Variants in EBF2 observed in about 807,000 individuals in gnomAD.
The protein encoded by EBF2 is EBF transcription factor 2.
In EBF2, 21 loss-of-function variants were observed where a neutral mutation model predicts 72.8. That is an observed-to-expected ratio of 0.29 (90% CI 0.20 to 0.42). The LOEUF (loss-of-function observed/expected upper bound fraction) is 0.42, where lower values mean the gene tolerates loss of function less well. EBF2 is among the 10% of genes least tolerant of loss of function. The pLI is 1.00. For synonymous variants in EBF2, 299 were observed against 274.2 expected (o/e 1.09, Z -0.89); for missense variants, 637 against 731.2 (o/e 0.87, Z 1.49).
At position 25,946,132 on chromosome 8, in the gene EBF2, G is replaced by A. The variant is rs546565262; in HGVS notation, c.552-37577C>T. Among the ~76,000 whole-genome samples the A allele has an allele frequency of 5.3e-5, 8 of 152,318 alleles. No individual in the cohort carries two copies. In the South Asian group the frequency reaches 8.3e-4, roughly 16 times the overall value. On this transcript the variant is annotated intron_variant, in intron 6 of 15. Coordinates refer to ENST00000520164, the MANE Select transcript of EBF2 (RefSeq NM_022659.4). ...AGTTCTTCAACTTCTAGAATCTCCC[G>A]TTAAAGCTCTAAACTCACTTAGAAC...
At chr8:26,007,458 A>G (rs1804900680) in intron 6 of EBF2, among the ~76,000 whole-genome samples, 1 of 151,988 alleles carries the variant, frequency 6.6e-6, no homozygotes, top group African/African-American at 2.4e-5. Context: ...CCTCTATTTC[A>G]TTTGAGTTTT....
In EBF2 at chr8:25,841,928, A is replaced by C. The variant is rs1334536280; in HGVS notation, c.*2681T>G. ...CAAAGCAAAACAATAAAATGAAACT[A>C]TACAGTGTGAAAATGAAACCTTACT... is the stretch of plus-strand genomic sequence containing the variant. On this transcript the variant is annotated 3_prime_UTR_variant, in exon 16 of 16. Transcript: ENST00000520164. 3 of 152,240 alleles carry C rather than the reference A, an allele frequency of 2.0e-5. No homozygotes were observed. Among genetic ancestry groups the C allele is most frequent in the Non-Finnish European group, 4.4e-5 (3 of 68,038 alleles). 9.4% of individuals were successfully genotyped at this position (152,240 alleles called of 1,614,324 possible).
chr8:26,026,538 G>A (rs1180303404), intron 6 of EBF2, among the ~76,000 whole-genome samples: 1 of 152,150 alleles, frequency 6.6e-6, no homozygotes, highest in Non-Finnish European at 1.5e-5. Context: ...CTAATCCGAG[G>A]CCCTTTTGCT....
intron 6 of EBF2, among the ~76,000 whole-genome samples, chr8:25,980,580 A>T (rs544283637): frequency 6.6e-6 from 1 of 152,184 alleles, no homozygotes; most frequent in Non-Finnish European, 1.5e-5. Flanking sequence ...CAGTGGCACC[A>T]TAGACCTTGC....
chr8:25,916,052 G>A (rs73225929), intron 6 of EBF2, among the ~76,000 whole-genome samples: 7,937 of 152,006 alleles, frequency 0.052, 281 homozygotes, highest in South Asian at 0.13. Flanking sequence ...TTTGGGGGCC[G>A]AGGCAGTCTG....
At chr8:26,043,635 G>T (rs1805647916) in intron 1 of EBF2, among the ~76,000 whole-genome samples, 1 of 152,186 alleles carries the variant, frequency 6.6e-6, no homozygotes, top group African/African-American at 2.4e-5. Context: ...TAAAACTTCT[G>T]CTTTCTCCGC....
intron 6 of EBF2, among the ~76,000 whole-genome samples, chr8:26,006,167 C>T (rs552137352): frequency 2.0e-5 from 3 of 152,286 alleles, no homozygotes; most frequent in South Asian, 4.1e-4. Context: ...CCTATAATTA[C>T]ATTAGGGATA....
chr8:25,972,552 A>T (rs1176031064), intron 6 of EBF2, among the ~76,000 whole-genome samples: 1 of 152,168 alleles, frequency 6.6e-6, no homozygotes, highest in Non-Finnish European at 1.5e-5. Context: ...TCCTTGGATT[A>T]TTTCATAGAC....
At chr8:26,033,819 G>T (rs528182530) in intron 5 of EBF2, among the ~76,000 whole-genome samples, 1 of 152,208 alleles carries the variant, frequency 6.6e-6, no homozygotes, top group Non-Finnish European at 1.5e-5. Flanking sequence ...TTGAGGGCAG[G>T]ATTTATGACC....
chr8:26,005,709 C>A (rs1406860634), intron 6 of EBF2, among the ~76,000 whole-genome samples: 1 of 147,500 alleles, frequency 6.8e-6, no homozygotes, highest in Non-Finnish European at 1.5e-5. Context: ...TGTGTGCATG[C>A]AGTCCCAGCT....
chr8:26,042,714 G>A (rs1024353216), intron 1 of EBF2, among the ~76,000 whole-genome samples: 2 of 152,174 alleles, frequency 1.3e-5, no homozygotes, highest in African/African-American at 4.8e-5. Flanking sequence ...TTTGGAAGAA[G>A]CGACCCTTTT....
intron 5 of EBF2, among the ~76,000 whole-genome samples, chr8:26,038,823 C>G (rs1805550403): frequency 6.6e-6 from 1 of 152,162 alleles, no homozygotes; most frequent in Non-Finnish European, 1.5e-5. Context: ...AAAACCAAAA[C>G]AAACATGTCT....
At chr8:25,893,541 G>C (rs932503479) in intron 7 of EBF2, among the ~76,000 whole-genome samples, 1 of 152,042 alleles carries the variant, frequency 6.6e-6, no homozygotes, top group Non-Finnish European at 1.5e-5. Flanking sequence ...GCCTCCCAAA[G>C]TGCTGGGATT....
At chr8:25,950,582 T>C (rs1803844673) in intron 6 of EBF2, among the ~76,000 whole-genome samples, 2 of 152,274 alleles carry the variant, frequency 1.3e-5, no homozygotes, top group South Asian at 2.1e-4. Context: ...TGCACCTAAG[T>C]GTGGTTGCAC....
At chr8:26,040,152 C>G (rs764329233) in intron 4 of EBF2, 51 bp from the exon 5 acceptor site, 1 of 1,578,806 alleles carries the variant, frequency 6.3e-7, no homozygotes, top group Non-Finnish European at 8.7e-7. Flanking sequence ...GGGTGGGGGG[C>G]AAGGAAAGAA....
intron 5 of EBF2, among the ~76,000 whole-genome samples, chr8:26,037,133 C>T (rs1203269038): frequency 6.6e-6 from 1 of 152,124 alleles, no homozygotes; most frequent in Non-Finnish European, 1.5e-5. Context: ...TCCCCATCTC[C>T]ACCCGGAGTC....
chr8:25,909,904 A>G (rs868132106), intron 6 of EBF2, among the ~76,000 whole-genome samples: 1 of 152,182 alleles, frequency 6.6e-6, no homozygotes, highest in African/African-American at 2.4e-5. Flanking sequence ...TTTGAAAGCA[A>G]CAGCTAAATA....
At chr8:25,967,161 C>G (rs1804128148) in intron 6 of EBF2, among the ~76,000 whole-genome samples, 1 of 152,124 alleles carries the variant, frequency 6.6e-6, no homozygotes, top group Non-Finnish European at 1.5e-5. Flanking sequence ...TACAGGGGAA[C>G]TAACATCGGG....
intron 6 of EBF2, among the ~76,000 whole-genome samples, chr8:25,937,966 T>C (rs1803607079): frequency 1.3e-5 from 2 of 151,668 alleles, no homozygotes; most frequent in Non-Finnish European, 2.9e-5. Flanking sequence ...GTGAAAAAGA[T>C]GATGGGAAAA....
Sources: allele counts gnomAD v4.1 joint callset (sites outside exome capture counted in the v4.1 genomes callset), GRCh38; gene constraint gnomAD v4.1.1; transcripts MANE v1.5; gene names NCBI Gene and HGNC (gene_info 2026-07-23, HGNC 2026-07-21).